Variants in GLS observed in about 807,000 individuals in gnomAD.
GLS encodes glutaminase kidney isoform, mitochondrial.
A neutral mutation model predicts 86.7 loss-of-function variants in GLS; 36 were observed. The observed-to-expected ratio is 0.42, with a 90% CI of 0.32 to 0.55. GLS has a LOEUF of 0.55. Among genes scored for constraint, GLS ranks in the 20% least tolerant of loss-of-function variants. The probability of loss-of-function intolerance (pLI) is 0.17; values close to 1 mark genes in which losing one functional copy is unlikely to be tolerated. For missense variants in GLS, 528 were observed against 833.4 expected (o/e 0.63, Z 4.51); for synonymous variants, 317 against 305.9 (o/e 1.04, Z -0.38).
chr2:190,894,848 T>C (rs1688675473), intron 1 of GLS, among the ~76,000 whole-genome samples: 2 of 152,228 alleles, frequency 1.3e-5, no homozygotes, highest in South Asian at 4.1e-4. Flanking sequence ...GTGATTGTAC[T>C]GGGGTGTATA....
Position 190,895,465 on chromosome 2 carries a change from A to G in GLS, c.484-139A>G. The G allele has an allele frequency of 1.6e-6, 1 of 607,478 alleles. No homozygotes were observed. The highest frequency in any genetic ancestry group is 4.9e-4 in the Middle Eastern group (1 of 2,056). 37.6% of individuals were successfully genotyped at this position (607,478 alleles called of 1,614,324 possible). ...GAGAAACTTGTCCAGAAAGTGGGTA[A>G]TAGTGACACTAAGATGCCATATTCA... On this transcript the variant is annotated intron_variant, in intron 2 of 17. Coordinates refer to ENST00000320717, the MANE Select transcript of GLS (RefSeq NM_014905.5). The surrounding 1 kb of genome is among the most constrained non-coding windows in gnomAD (Gnocchi z 4.2).
chr2:190,941,913 T>C (rs1360014624), intron 14 of GLS, among the ~76,000 whole-genome samples: 1 of 152,002 alleles, frequency 6.6e-6, no homozygotes, highest in African/African-American at 2.4e-5. Context: ...ATTCCTACAG[T>C]TGGATTCAAA....
At chr2:190,941,685 G>A (rs1026958999) in intron 14 of GLS, among the ~76,000 whole-genome samples, 14 of 151,176 alleles carry the variant, frequency 9.3e-5, no homozygotes, top group African/African-American at 3.4e-4. Context: ...AGTCTGACTT[G>A]AAGGCCCCAG....
chr2:190,936,255 T>A (rs1690265523), intron 14 of GLS, among the ~76,000 whole-genome samples: 1 of 151,126 alleles, frequency 6.6e-6, no homozygotes, highest in Non-Finnish European at 1.5e-5. Context: ...TAGGCATATA[T>A]TTATGTGGAA....
intron 1 of GLS, among the ~76,000 whole-genome samples, chr2:190,886,193 A>G (rs1178200505): frequency 6.6e-6 from 1 of 152,192 alleles, no homozygotes. Flanking sequence ...TTTAAAAGCA[A>G]GTGAAAAAGG....
At chr2:190,908,849 T>C (rs1336574365) in intron 6 of GLS, among the ~76,000 whole-genome samples, 1 of 152,228 alleles carries the variant, frequency 6.6e-6, no homozygotes, top group Admixed American at 6.5e-5. Context: ...TTAGTGTTCT[T>C]TAAGACATCT....
intron 12 of GLS, among the ~76,000 whole-genome samples, chr2:190,929,124 T>G (rs1294713761): frequency 6.6e-6 from 1 of 151,566 alleles, no homozygotes; most frequent in Non-Finnish European, 1.5e-5. Context: ...TGACTGAATG[T>G]TAGTAAGCAA....
At position 190,954,020 on chromosome 2, in the gene GLS, T is replaced by C. The variant is rs950717531; in HGVS notation, c.1712+394T>C. On this transcript the variant is annotated intron_variant, in intron 15 of 17. Coordinates refer to ENST00000320717, the MANE Select transcript of GLS (RefSeq NM_014905.5). The surrounding 1 kb of genome is among the most constrained non-coding windows in gnomAD (Gnocchi z 4.0). ...TGAAGCAGCTGGGGGGTTTGGTGTC[T>C]GGCAGATCATCAGGATTAGTAAGGC... Among the ~76,000 whole-genome samples, 6 of 150,878 alleles carry C rather than the reference T, an allele frequency of 4.0e-5. No individual in the cohort carries two copies. The highest frequency in any genetic ancestry group is 1.5e-4 in the African/African-American group (6 of 40,962).
At position 190,947,780 on chromosome 2, in the gene GLS, C is replaced by T. The variant is rs2124940782; in HGVS notation, c.1651-5785C>T. ...AATGAGCTTTGATCAATGGTTAGCA[C>T]ACCTACATCCTTTGCAAGTATTGGT... On this transcript the variant is annotated intron_variant, in intron 14 of 17. Transcript: ENST00000320717. The surrounding 1 kb of genome is among the most constrained non-coding windows in gnomAD (Gnocchi z 5.0). Among the ~76,000 whole-genome samples, 1 of 152,306 alleles carries T rather than the reference C, an allele frequency of 6.6e-6. No individual in the cohort carries two copies. Among genetic ancestry groups the T allele is most frequent in the South Asian group, 2.1e-4 (1 of 4,828 alleles).
In GLS at chr2:190,927,295, C is replaced by T. The variant is rs1353775771; in HGVS notation, c.1249-11C>T. 2 of 1,580,874 alleles carry T rather than the reference C, an allele frequency of 1.3e-6. No individual in the cohort carries two copies. Among genetic ancestry groups the T allele is most frequent in the Non-Finnish European group, 1.7e-6 (2 of 1,167,610 alleles). ...AAGTAGTATGAGAATTCTGCTTTTT[C>T]TTTGTGTTAGCTGTGCTCCATTGAA... On this transcript the variant is annotated splice_polypyrimidine_tract_variant and intron_variant, in intron 11 of 17. Coordinates refer to ENST00000320717, the MANE Select transcript of GLS (RefSeq NM_014905.5).
chr2:190,889,576 A>G (rs1688498539), intron 1 of GLS, among the ~76,000 whole-genome samples: 4 of 152,218 alleles, frequency 2.6e-5, no homozygotes, highest in African/African-American at 9.6e-5. Context: ...TATCTGTATT[A>G]TTCCATCTAG....
intron 14 of GLS, chr2:190,933,897 C>T (rs1574608263): frequency 3.3e-6 from 3 of 914,126 alleles, no homozygotes; most frequent in Non-Finnish European, 3.9e-6. Context: ...TACTAAAATA[C>T]GTTAGATCTA....
Position 190,897,047 on chromosome 2 carries a change from GAGAC to G in GLS, c.605+1326_605+1329del, listed in dbSNP as rs1007628254. 6.6e-6 allele frequency among the ~76,000 whole-genome samples: 1 copy of G among 151,044 alleles called. No homozygotes were observed. The highest frequency in any genetic ancestry group is 1.5e-5 in the Non-Finnish European group (1 of 67,796). On this transcript the variant is annotated intron_variant, in intron 3 of 17. Transcript: ENST00000320717. This position sits in a 1 kb window ranked among gnomAD's most constrained non-coding sequence, Gnocchi z 4.3. ...AGTATTTTACACTTTTTTTTTTTAAGAGACAGAGTCTCATTCTGTCGCCCAGGCT... is the reference window on the plus strand; with the variant it reads ...AGTATTTTACACTTTTTTTTTTTAAGAGAGTCTCATTCTGTCGCCCAGGCT...
At chr2:190,910,422 A>C in intron 7 of GLS, 101 bp downstream of exon 7, 1 of 616,750 alleles carries the variant, frequency 1.6e-6, no homozygotes, top group Non-Finnish European at 2.9e-6. Context: ...ATTATGAAAA[A>C]TTTTCTCTTG....
chr2:190,963,179 C>A lies in GLS; in HGVS notation c.*193C>A. 1 of 459,896 alleles carries A rather than the reference C, an allele frequency of 2.2e-6. No homozygotes were observed. Among genetic ancestry groups the A allele is most frequent in the South Asian group, 3.7e-5 (1 of 26,996 alleles). 28.5% of individuals were successfully genotyped at this position (459,896 alleles called of 1,614,324 possible). ...AAAAAATAGAAATAAAACAATCTCC[C>A]TCCATAATGTGAGCAATATTACCTC... On this transcript the variant is annotated 3_prime_UTR_variant, in exon 18 of 18. Transcript: ENST00000320717.
intron 6 of GLS, among the ~76,000 whole-genome samples, chr2:190,907,980 A>G (rs16833042): frequency 0.079 from 11,962 of 152,182 alleles, 1,546 homozygotes; most frequent in African/African-American, 0.27. Context: ...GAGTTGAGTT[A>G]ATTTACATGA....
At chr2:190,900,061 C>G (rs1429728353) in intron 3 of GLS, among the ~76,000 whole-genome samples, 1 of 151,998 alleles carries the variant, frequency 6.6e-6, no homozygotes, top group Non-Finnish European at 1.5e-5. Flanking sequence ...ATAAATTAAT[C>G]TGACTAAACA....
chr2:190,899,446 A>G (rs1688864796), intron 3 of GLS, among the ~76,000 whole-genome samples: 1 of 152,090 alleles, frequency 6.6e-6, no homozygotes, highest in Non-Finnish European at 1.5e-5. Context: ...ATTCTTATTA[A>G]TAGTTAAACT....
rs1189351521 is a variant in GLS at position 190,920,988 on chromosome 2, T to TA, written c.1039-35dup. 8.6e-7 allele frequency: 1 copy of TA among 1,162,516 alleles called. No homozygotes were observed. The highest frequency in any genetic ancestry group is 1.3e-6 in the Non-Finnish European group (1 of 772,818). The allele number at this position is 1,162,516 out of a possible 1,614,324, so 72.0% of individuals were successfully genotyped here. ...CTTGAAACTTAACTGTAGTGGTACC[T>TA]ATATTAACGTATTTATGTCTCTTAT... is the stretch of plus-strand genomic sequence containing the variant. On this transcript the variant is annotated intron_variant, in intron 7 of 17. Coordinates refer to ENST00000320717, the MANE Select transcript of GLS (RefSeq NM_014905.5). The surrounding 1 kb of genome is among the most constrained non-coding windows in gnomAD (Gnocchi z 4.2).
Sources: gnomAD v4.1 joint callset for allele counts (sites outside exome capture counted in the v4.1 genomes callset) on GRCh38, gnomAD v4.1.1 for gene constraint, Gnocchi (gnomAD v3.1) non-coding constraint, MANE v1.5 for transcripts, NCBI Gene and HGNC (gene_info 2026-07-23, HGNC 2026-07-21) for gene names.